ZNF844: variants seen among roughly 807,000 people sequenced by gnomAD.
ZNF844 encodes zinc finger protein 844.
In ZNF844, 11 loss-of-function variants were observed where a neutral mutation model predicts 11.4. That is an observed-to-expected ratio of 0.97 (90% CI 0.61 to 1.60). The LOEUF is 1.60. Ranked by LOEUF, ZNF844 falls within the 40% of genes most tolerant of loss-of-function variation. The probability of loss-of-function intolerance (pLI) is 0.00; values close to 1 mark genes in which losing one functional copy is unlikely to be tolerated. For missense variants in ZNF844, 790 were observed against 796.8 expected (o/e 0.99, Z 0.10); for synonymous variants, 248 against 260.3 (o/e 0.95, Z 0.46).
rs1599404418 is a variant in ZNF844, at chr19:12,081,493, T to C, written c.*4372T>C. On this transcript the variant is annotated 3_prime_UTR_variant, in exon 4 of 4. Transcript: ENST00000439326. ...AGAAATAGTTGAACTTTTCCACAAC[T>C]GTATACTGACAAACATTATTCTTTC... 6.6e-6 allele frequency: 1 copy of C among 152,234 alleles called. No homozygotes were observed. The highest frequency in any genetic ancestry group is 2.1e-4 in the South Asian group (1 of 4,834). 9.4% of individuals were successfully genotyped at this position (152,234 alleles called of 1,614,324 possible).
At position 12,072,875 on chromosome 19, in the gene ZNF844, G is replaced by A. The variant is rs1045900019; in HGVS notation, c.4-1156G>A. The stretch of plus-strand genomic sequence containing the variant: ...GCTGGGATTACAGGCATGAGCCACC[G>A]CGCCTGGCCTTGATTTTTCTTTTCT... On this transcript the variant is annotated intron_variant, in intron 1 of 3. Coordinates refer to ENST00000439326, the MANE Select transcript of ZNF844 (RefSeq NM_001136501.3). 3.9e-5 allele frequency among the ~76,000 whole-genome samples: 6 copies of A among 152,094 alleles called. 1 individual carries two copies. The highest frequency in any genetic ancestry group is 2.1e-4 in the South Asian group (1 of 4,804).
intron 1 of ZNF844, among the ~76,000 whole-genome samples, chr19:12,067,860 C>A (rs546049000): frequency 6.7e-6 from 1 of 148,472 alleles, no homozygotes; most frequent in African/African-American, 2.5e-5. Context: ...TGCAGTGAGC[C>A]GAGATCGCGC....
chr19:12,077,607 A>C lies in ZNF844; in HGVS notation c.*486A>C. 1.8e-6 allele frequency: 1 copy of C among 561,140 alleles called. No homozygotes were observed. The highest frequency in any genetic ancestry group is 3.5e-6 in the Non-Finnish European group (1 of 285,198). The allele number at this position is 561,140 out of a possible 1,614,324, so 34.8% of individuals were successfully genotyped here. Reference sequence around the variant, plus strand: ...TGCCACTCAACTTCAGATGCATAGAAAGATTCACACTGGCGAGAAACCCTA... The same window carrying C: ...TGCCACTCAACTTCAGATGCATAGACAGATTCACACTGGCGAGAAACCCTA... On this transcript the variant is annotated 3_prime_UTR_variant, in exon 4 of 4. Coordinates refer to ENST00000439326, the MANE Select transcript of ZNF844 (RefSeq NM_001136501.3).
chr19:12,072,151 G>T (rs148691328), intron 1 of ZNF844, among the ~76,000 whole-genome samples: 3 of 152,140 alleles, frequency 2.0e-5, no homozygotes, highest in Non-Finnish European at 4.4e-5. Flanking sequence ...CTCCCAAAGT[G>T]CTGGGATTAC....
Position 12,075,338 on chromosome 19 carries a change from A to G in ZNF844, c.218A>G (p.Glu73Gly). ...LRSLLGERVDENTEENHCGET... is the reference protein window; with the variant it reads ...LRSLLGERVDGNTEENHCGET... ...AGTCTTCTGGGAGAGAGAGTTGATG[A>G]AAATACAGAAGAAAATCATTGTGGA... The change falls in exon 4 of 4, where the codon GAA becomes GGA. Residue 73 changes from glutamate (E) to glycine (G), a missense_variant. Coordinates refer to ENST00000439326, the MANE Select transcript of ZNF844 (RefSeq NM_001136501.3). 6.8e-7 allele frequency: 1 copy of G among 1,479,366 alleles called. No homozygotes were observed. 91.6% of individuals were successfully genotyped at this position (1,479,366 alleles called of 1,614,324 possible).
chr19:12,067,928 GAAAGAAAGAAA>G (rs1250647126), intron 1 of ZNF844, among the ~76,000 whole-genome samples: 2 of 122,498 alleles, frequency 1.6e-5, no homozygotes, highest in Non-Finnish European at 3.3e-5. Flanking sequence ...AAGAAAGAAA[GAAAGAAAGAAA>G]GAAAGAAGGA....
intron 1 of ZNF844, among the ~76,000 whole-genome samples, chr19:12,065,313 G>C (rs1455623092): frequency 6.6e-6 from 1 of 152,102 alleles, no homozygotes; most frequent in Non-Finnish European, 1.5e-5. Context: ...ATAGAGGCGT[G>C]AGCCACCGCG....
At position 12,076,211 on chromosome 19, in the gene ZNF844, A is replaced by G; in HGVS notation, c.1091A>G (p.Tyr364Cys). The change falls in exon 4 of 4, where the codon TAT becomes TGT. Residue 364 changes from tyrosine to cysteine, a missense_variant. Tyr to Cys is a radical substitution (Grantham distance 194). Coordinates refer to ENST00000439326, the MANE Select transcript of ZNF844 (RefSeq NM_001136501.3). ...HMKMHTRMRP[Y>C]KCKTVEKPLI... ...AAAATGCACACTAGAATGAGACCTT[A>G]TAAATGTAAGACTGTGGAAAAGCCT... 1.3e-6 allele frequency: 2 copies of G among 1,596,748 alleles called. No individual in the cohort carries two copies. Among genetic ancestry groups the G allele is most frequent in the African/African-American group, 1.3e-5 (1 of 74,276 alleles).
intron 1 of ZNF844, among the ~76,000 whole-genome samples, chr19:12,071,208 A>G (rs1975749385): frequency 6.6e-6 from 1 of 152,108 alleles, no homozygotes; most frequent in Non-Finnish European, 1.5e-5. Context: ...TGTGTCCCCC[A>G]TGATACATGT....
In ZNF844 at chr19:12,077,349, C is replaced by A; in HGVS notation, c.*228C>A. 1.2e-6 allele frequency: 1 copy of A among 845,822 alleles called. No individual in the cohort carries two copies. Among genetic ancestry groups the A allele is most frequent in the Non-Finnish European group, 2.0e-6 (1 of 493,486 alleles). The allele number at this position is 845,822 out of a possible 1,614,324, so 52.4% of individuals were successfully genotyped here. On this transcript the variant is annotated 3_prime_UTR_variant, in exon 4 of 4. Transcript: ENST00000439326. The stretch of plus-strand genomic sequence containing the variant: ...TATTTCTTTCAGTTCCATTCAGTAC[C>A]ATGAAAGGACTCACACTGGAGAGAA...
At position 12,075,465 on chromosome 19, in the gene ZNF844, T is replaced by G. The variant is rs762632238; in HGVS notation, c.345T>G (p.His115Gln). 3 of 1,612,994 alleles carry G rather than the reference T, an allele frequency of 1.9e-6. No individual in the cohort carries two copies. The Admixed American group carries it at 5.0e-5, about 27-fold the overall frequency. Reference protein sequence around the residue: ...SSVCGEVFVGHSSLNRHIRAD... With the variant: ...SSVCGEVFVGQSSLNRHIRAD... ...TGTGTGGAGAAGTCTTCGTGGGTCA[T>G]TCTTCCCTTAATAGGCACATTAGAG... Residue 115 changes from histidine to glutamine, a missense_variant, in exon 4 of 4, where the codon CAT becomes CAG. By Grantham distance (24) the His-to-Gln change is conservative. This residue lies in a region of ZNF844 where 129 missense variants were observed against 144.0 expected (regional missense o/e 0.90). Coordinates refer to ENST00000439326, the MANE Select transcript of ZNF844 (RefSeq NM_001136501.3).
At position 12,080,529 on chromosome 19, in the gene ZNF844, TC is replaced by T. The variant is rs1975886056; in HGVS notation, c.*3411del. On this transcript the variant is annotated 3_prime_UTR_variant, in exon 4 of 4. Coordinates refer to ENST00000439326, the MANE Select transcript of ZNF844 (RefSeq NM_001136501.3). ...AGGTGCCACATCCATACAGGCTGAC[TC>T]CCTGCTCCCAGCCCATTTTTTCCTG... 1.1e-5 allele frequency: 2 copies of T among 181,516 alleles called. No individual in the cohort carries two copies. Among genetic ancestry groups the T allele is most frequent in the Non-Finnish European group, 2.4e-5 (2 of 84,842 alleles). The allele number at this position is 181,516 out of a possible 1,614,324, so 11.2% of individuals were successfully genotyped here. A position where few individuals can be genotyped will look rare whatever the true frequency, so the allele number is the denominator to read the frequency against.
At chr19:12,066,454 A>C (rs934112602) in intron 1 of ZNF844, among the ~76,000 whole-genome samples, 1 of 147,828 alleles carries the variant, frequency 6.8e-6, no homozygotes, top group African/African-American at 2.5e-5. Flanking sequence ...GCCCCGACTC[A>C]TGGTTTTTCA....
At chr19:12,072,379 A>G (rs990537303) in intron 1 of ZNF844, among the ~76,000 whole-genome samples, 2 of 152,176 alleles carry the variant, frequency 1.3e-5, no homozygotes, top group African/African-American at 4.8e-5. Flanking sequence ...TCCAACTTTC[A>G]ATTTATATGA....
chr19:12,064,889 C>G lies in ZNF844; in HGVS notation c.3+13C>G, dbSNP rs2145539055. ...AAGCCAGGAAATGGTGAGTGTGAGC[C>G]CCCGCTGGGAGTCCCGAGACTTGGG... is the stretch of plus-strand genomic sequence containing the variant. On this transcript the variant is annotated intron_variant, in intron 1 of 3. Coordinates refer to ENST00000439326, the MANE Select transcript of ZNF844 (RefSeq NM_001136501.3). 1 of 1,549,054 alleles carries G rather than the reference C, an allele frequency of 6.5e-7. No homozygotes were observed. Among genetic ancestry groups the G allele is most frequent in the African/African-American group, 1.4e-5 (1 of 73,038 alleles).
At chr19:12,072,734 C>G (rs1975764887) in intron 1 of ZNF844, among the ~76,000 whole-genome samples, 1 of 152,062 alleles carries the variant, frequency 6.6e-6, no homozygotes, top group East Asian at 1.9e-4. Flanking sequence ...CAGGCACCCA[C>G]CACCATGCCT....
In ZNF844 at chr19:12,076,624, A is replaced by G; in HGVS notation, c.1504A>G (p.Asn502Asp). The G allele has an allele frequency of 6.2e-7, 1 of 1,614,058 alleles. No homozygotes were observed. The highest frequency in any genetic ancestry group is 8.5e-7 in the Non-Finnish European group (1 of 1,179,994). ...DIMKGLTLER[N>D]PMSVSNVGKP... is the part of the protein sequence containing the mutation. ...CATGAAAGGACTCACACTGGAGAGA[A>G]ACCCTATGAGTGTAAGCAATGTGGG... is the stretch of plus-strand genomic sequence containing the variant. The change falls in exon 4 of 4, where the codon AAC becomes GAC. Residue 502 changes from asparagine (N) to aspartate (D), a missense_variant. By Grantham distance (23) the Asn-to-Asp change is conservative. This residue lies in a region of ZNF844 where 657 missense variants were observed against 636.2 expected (regional missense o/e 1.03). Transcript: ENST00000439326.
intron 1 of ZNF844, among the ~76,000 whole-genome samples, chr19:12,069,953 CAAAAAAAAA>C (rs34426508): frequency 3.1e-5 from 2 of 64,954 alleles, no homozygotes; most frequent in African/African-American, 4.9e-5. Context: ...GACTCCGTCT[CAAAAAAAAA>C]AAAAAAAAAA....
At chr19:12,069,511 T>C (rs773604352) in intron 1 of ZNF844, among the ~76,000 whole-genome samples, 7 of 151,052 alleles carry the variant, frequency 4.6e-5, no homozygotes, top group Non-Finnish European at 7.4e-5. Flanking sequence ...TAAAGGAGAA[T>C]TGAAATAAGG....
Sources: gnomAD v4.1 joint callset for allele counts (sites outside exome capture counted in the v4.1 genomes callset) on GRCh38, gnomAD v4.1.1 for gene constraint, gnomAD v4.1.1 regional missense constraint, MANE v1.5 for transcripts, NCBI Gene and HGNC (gene_info 2026-07-23, HGNC 2026-07-21) for gene names.